GAP43: variants seen among roughly 807,000 people sequenced by gnomAD.
The protein encoded by GAP43 is neuromodulin.
A neutral mutation model predicts 18.6 loss-of-function variants in GAP43; 6 were observed. That is an observed-to-expected ratio of 0.32 (90% CI 0.18 to 0.64). The LOEUF is 0.64. Among genes scored for constraint, GAP43 ranks in the 30% least tolerant of loss-of-function variants. GAP43 has a pLI of 0.78. For synonymous variants in GAP43, 115 were observed against 111.4 expected, an observed-to-expected ratio of 1.03 and a Z score of -0.20; for missense variants, 292 against 295.5, an observed-to-expected ratio of 0.99 and a Z score of 0.09.
intron 1 of GAP43, among the ~76,000 whole-genome samples, chr3:115,647,758 CAAAA>C (rs111391501): frequency 7.6e-6 from 1 of 132,096 alleles, no homozygotes; most frequent in Admixed American, 7.7e-5. Context: ...AACAAAAAAA[CAAAA>C]AAAAAAAACG....
chr3:115,720,718 C>A, intron 2 of GAP43, 76 bp from the exon 3 acceptor site: 1 of 860,260 alleles, frequency 1.2e-6, no homozygotes, highest in Non-Finnish European at 1.9e-6. Context: ...AAATGCATTG[C>A]ACTGTTGTAT....
At chr3:115,635,815 C>T (rs530913276) in intron 1 of GAP43, among the ~76,000 whole-genome samples, 4 of 151,762 alleles carry the variant, frequency 2.6e-5, no homozygotes, top group East Asian at 3.9e-4. Flanking sequence ...CTTAGTGGAA[C>T]GAAACTATTG....
At chr3:115,637,805 C>T (rs1708348368) in intron 1 of GAP43, among the ~76,000 whole-genome samples, 1 of 152,072 alleles carries the variant, frequency 6.6e-6, no homozygotes, top group African/African-American at 2.4e-5. Context: ...CCATGTCTTG[C>T]TCCCAAATCT....
At chr3:115,665,047 A>G (rs184964905) in intron 1 of GAP43, among the ~76,000 whole-genome samples, 9 of 152,302 alleles carry the variant, frequency 5.9e-5, no homozygotes, top group Non-Finnish European at 1.5e-5. Context: ...TGATTAATGT[A>G]GAATGTTAAG....
chr3:115,624,719 G>A (rs1708163769), intron 1 of GAP43, among the ~76,000 whole-genome samples: 2 of 152,104 alleles, frequency 1.3e-5, no homozygotes, highest in East Asian at 1.9e-4. Flanking sequence ...AACTTGATTG[G>A]GGTGAGAGTG....
chr3:115,634,534 G>A (rs193228112), intron 1 of GAP43, among the ~76,000 whole-genome samples: 266 of 152,080 alleles, frequency 1.7e-3, no homozygotes, highest in Non-Finnish European at 3.2e-3. Flanking sequence ...CCAGAAATTC[G>A]GGAGGCTGAG....
chr3:115,708,014 C>CACACAT (rs1491338319), intron 2 of GAP43, among the ~76,000 whole-genome samples: 2 of 26,180 alleles, frequency 7.6e-5, no homozygotes, highest in African/African-American at 1.7e-4. Context: ...CACACACACA[C>CACACAT]ATATATATAT....
At chr3:115,713,027 C>T (rs1157762322) in intron 2 of GAP43, among the ~76,000 whole-genome samples, 1 of 152,024 alleles carries the variant, frequency 6.6e-6, no homozygotes, top group Non-Finnish European at 1.5e-5. Context: ...AAATGTGAAA[C>T]ATGGTAATGA....
At chr3:115,627,794 C>G (rs1195591564) in intron 1 of GAP43, among the ~76,000 whole-genome samples, 1 of 152,154 alleles carries the variant, frequency 6.6e-6, no homozygotes, top group East Asian at 1.9e-4. Context: ...TACAGGAATT[C>G]TCCCTTTTCA....
At chr3:115,633,506 T>C (rs1042649956) in intron 1 of GAP43, among the ~76,000 whole-genome samples, 7 of 152,166 alleles carry the variant, frequency 4.6e-5, no homozygotes, top group Admixed American at 6.5e-5. Flanking sequence ...ATCTCAAGTG[T>C]GGTGGACTAT....
At chr3:115,630,369 G>T (rs1708246206) in intron 1 of GAP43, among the ~76,000 whole-genome samples, 1 of 152,140 alleles carries the variant, frequency 6.6e-6, no homozygotes, top group Non-Finnish European at 1.5e-5. Flanking sequence ...GGTATAGGGA[G>T]GGTGAATGGT....
intron 2 of GAP43, among the ~76,000 whole-genome samples, chr3:115,698,043 T>A (rs1286876975): frequency 4.5e-5 from 3 of 67,348 alleles, no homozygotes; most frequent in African/African-American, 3.1e-4. Context: ...AAAATATATA[T>A]TATATATTAT....
intron 2 of GAP43, among the ~76,000 whole-genome samples, chr3:115,703,092 A>G (rs546798820): frequency 7.9e-5 from 12 of 152,232 alleles, no homozygotes; most frequent in African/African-American, 2.9e-4. Context: ...AAGAGTACTT[A>G]AGGAAAGATA....
intron 2 of GAP43, among the ~76,000 whole-genome samples, chr3:115,687,209 A>T (rs1209777594): frequency 6.6e-6 from 1 of 151,846 alleles, no homozygotes; most frequent in East Asian, 1.9e-4. Context: ...GAAATTTCTC[A>T]GCTACTTATT....
At chr3:115,636,542 A>C (rs952298252) in intron 1 of GAP43, among the ~76,000 whole-genome samples, 2 of 152,080 alleles carry the variant, frequency 1.3e-5, no homozygotes, top group African/African-American at 4.8e-5. Context: ...GGAAGAAGAG[A>C]AAATAGTCAC....
chr3:115,700,154 C>T (rs1408601290), intron 2 of GAP43, among the ~76,000 whole-genome samples: 1 of 152,152 alleles, frequency 6.6e-6, no homozygotes, highest in Non-Finnish European at 1.5e-5. Flanking sequence ...AACAACTTTG[C>T]AGAACACCAA....
chr3:115,713,587 A>T (rs1222232608), intron 2 of GAP43, among the ~76,000 whole-genome samples: 2 of 152,234 alleles, frequency 1.3e-5, no homozygotes, highest in Non-Finnish European at 1.5e-5. Context: ...TTTGCTCACC[A>T]ACAGAATGCA....
At chr3:115,698,147 AT>A (rs1559804305) in intron 2 of GAP43, among the ~76,000 whole-genome samples, 43 of 9,688 alleles carry the variant, frequency 4.4e-3, no homozygotes, top group Admixed American at 0.015. Flanking sequence ...TATAATATAT[AT>A]TATATATAAT....
intron 1 of GAP43, among the ~76,000 whole-genome samples, chr3:115,671,557 T>A (rs1708815548): frequency 6.6e-6 from 1 of 152,288 alleles, no homozygotes; most frequent in Non-Finnish European, 1.5e-5. Context: ...GCCATAACAA[T>A]AAAGATTCCT....
Sources: allele counts gnomAD v4.1 joint callset (sites outside exome capture counted in the v4.1 genomes callset), GRCh38; gene constraint gnomAD v4.1.1; transcripts MANE v1.5; gene names NCBI Gene and HGNC (gene_info 2026-07-23, HGNC 2026-07-21).